The following PRKAG2 variants were observed in gnomAD, a reference collection of about 807,000 sequenced individuals.
PRKAG2 encodes the protein 5'-AMP-activated protein kinase subunit gamma-2.
PRKAG2 carries 26 observed loss-of-function variants against 69.6 expected under a neutral mutation model. The ratio of observed to expected loss-of-function variants is 0.37; its 90% CI spans 0.27 to 0.52. The LOEUF (loss-of-function observed/expected upper bound fraction) is 0.52. PRKAG2 is among the 20% of genes least tolerant of loss of function. The pLI, the probability that PRKAG2 is intolerant of heterozygous loss-of-function variation, is 0.90. For missense variants in PRKAG2, 557 were observed against 740.0 expected (o/e 0.75, Z 2.87); for synonymous variants, 293 against 285.0 (o/e 1.03, Z -0.28).
At chr7:151,846,512 G>C (rs545690236) in intron 1 of PRKAG2, among the ~76,000 whole-genome samples, 5 of 152,058 alleles carry the variant, frequency 3.3e-5, no homozygotes, top group Admixed American at 2.6e-4. Context: ...AATTGCACTT[G>C]GATATAAAAA....
At chr7:151,747,575 C>A (rs117533285) in intron 3 of PRKAG2, among the ~76,000 whole-genome samples, 234 of 151,922 alleles carry the variant, frequency 1.5e-3, no homozygotes, top group Non-Finnish European at 2.5e-3. Context: ...ACCAACCAAC[C>A]AAACAAACAA....
intron 3 of PRKAG2, among the ~76,000 whole-genome samples, chr7:151,747,052 C>G (rs893875577): frequency 3.9e-5 from 6 of 152,158 alleles, no homozygotes; most frequent in Non-Finnish European, 8.8e-5. Context: ...AGGTACCATT[C>G]AAGGCAGGAA....
At chr7:151,710,043 G>C (rs1795028801) in intron 3 of PRKAG2, among the ~76,000 whole-genome samples, 3 of 152,192 alleles carry the variant, frequency 2.0e-5, no homozygotes, top group Non-Finnish European at 4.4e-5. Flanking sequence ...GTCTAGAAGG[G>C]TGGCCGGAGC....
chr7:151,662,740 C>A lies in PRKAG2; in HGVS notation c.684+12680G>T, dbSNP rs554920058. On this transcript the variant is annotated intron_variant, in intron 4 of 15. Coordinates refer to ENST00000287878, the MANE Select transcript of PRKAG2 (RefSeq NM_016203.4). Reference sequence around the variant, plus strand: ...ACACAGGGAGAACCTATCTCTTCAACAACAGAAAAAAAATTAGTCGGGCAT... The same window carrying A: ...ACACAGGGAGAACCTATCTCTTCAAAAACAGAAAAAAAATTAGTCGGGCAT... 4.0e-5 allele frequency among the ~76,000 whole-genome samples: 6 copies of A among 151,596 alleles called. No individual in the cohort carries two copies. In the East Asian group the frequency reaches 9.7e-4, roughly 25 times the overall value.
rs1796423367 is a variant in PRKAG2 at position 151,717,925 on chromosome 7, G to A, written c.467-42288C>T. Among the ~76,000 whole-genome samples, 2 of 152,174 alleles carry A rather than the reference G, an allele frequency of 1.3e-5. 1 individual carries two copies. The highest frequency in any genetic ancestry group is 4.2e-4 in the South Asian group (2 of 4,798). ...CAAATTCACTATCCCTGCATGGGTAGGTGCTTGTCATTCTTTCTGCCCACG... is the reference window on the plus strand; with the variant it reads ...CAAATTCACTATCCCTGCATGGGTAAGTGCTTGTCATTCTTTCTGCCCACG... On this transcript the variant is annotated intron_variant, in intron 3 of 15. Transcript: ENST00000287878.
At chr7:151,687,900 T>C (rs1033297911) in intron 3 of PRKAG2, among the ~76,000 whole-genome samples, 1 of 152,214 alleles carries the variant, frequency 6.6e-6, no homozygotes. Flanking sequence ...GGGCTGCCTC[T>C]CCGTGTCCAC....
At chr7:151,846,396 A>G (rs2079433203) in intron 1 of PRKAG2, among the ~76,000 whole-genome samples, 1 of 152,232 alleles carries the variant, frequency 6.6e-6, no homozygotes, top group Admixed American at 6.5e-5. Flanking sequence ...TGAAACCGGT[A>G]GGCAGAGGTT....
chr7:151,755,024 G>A (rs1443578984), intron 3 of PRKAG2, among the ~76,000 whole-genome samples: 1 of 152,130 alleles, frequency 6.6e-6, no homozygotes, highest in Non-Finnish European at 1.5e-5. Flanking sequence ...GCCTGACAAA[G>A]GGGCGATGGA....
chr7:151,718,165 T>G (rs1196320680), intron 3 of PRKAG2, among the ~76,000 whole-genome samples: 1 of 152,118 alleles, frequency 6.6e-6, no homozygotes, highest in Admixed American at 6.5e-5. Flanking sequence ...AAGTTGATTT[T>G]CTTACGGTTC....
At chr7:151,874,980 A>G (rs2080351987) in intron 1 of PRKAG2, among the ~76,000 whole-genome samples, 1 of 152,248 alleles carries the variant, frequency 6.6e-6, no homozygotes, top group Non-Finnish European at 1.5e-5. Flanking sequence ...TATTTCCTGC[A>G]TTTGACAAAT....
intron 3 of PRKAG2, among the ~76,000 whole-genome samples, chr7:151,759,197 C>T (rs1457056829): frequency 4.6e-5 from 7 of 152,314 alleles, no homozygotes; most frequent in South Asian, 2.1e-4. Context: ...CTCCTGCCTC[C>T]GGACATTTGC....
intron 4 of PRKAG2, among the ~76,000 whole-genome samples, chr7:151,664,448 C>T (rs572695786): frequency 2.0e-5 from 3 of 152,136 alleles, no homozygotes; most frequent in Admixed American, 6.5e-5. Context: ...TGCCTGGGTC[C>T]CCCTCCTCCT....
intron 3 of PRKAG2, among the ~76,000 whole-genome samples, chr7:151,701,408 T>A (rs1837663848): frequency 6.6e-6 from 1 of 152,182 alleles, no homozygotes; most frequent in African/African-American, 2.4e-5. Context: ...TCATTGCAGA[T>A]ATAATCAAGT....
rs1253578473 is a variant in PRKAG2, at chr7:151,588,118, C to A, written c.864+7227G>T. Reference sequence around the variant, plus strand: ...ATTCCTAATGCTTCCCCCCACCAATCCTAGGGTGTGAGGATTCCATTATGA... The same window carrying A: ...ATTCCTAATGCTTCCCCCCACCAATACTAGGGTGTGAGGATTCCATTATGA... On this transcript the variant is annotated intron_variant, in intron 6 of 15. Transcript: ENST00000287878. 4.6e-5 allele frequency among the ~76,000 whole-genome samples: 7 copies of A among 152,152 alleles called. 1 individual carries two copies. The highest frequency in any genetic ancestry group is 1.3e-4 in the Admixed American group (2 of 15,286).
chr7:151,623,558 AG>A (rs1322468851), intron 5 of PRKAG2, among the ~76,000 whole-genome samples: 3 of 152,036 alleles, frequency 2.0e-5, no homozygotes, highest in Non-Finnish European at 4.4e-5. Flanking sequence ...TCCTAACAGT[AG>A]TGGTCTGTGG....
At chr7:151,617,679 T>C (rs1335572827) in intron 5 of PRKAG2, among the ~76,000 whole-genome samples, 2 of 152,144 alleles carry the variant, frequency 1.3e-5, no homozygotes, top group South Asian at 2.1e-4. Flanking sequence ...TCACAGGTCA[T>C]AGTAACATAT....
At chr7:151,641,421 G>A (rs1158594529) in intron 4 of PRKAG2, among the ~76,000 whole-genome samples, 2 of 151,182 alleles carry the variant, frequency 1.3e-5, no homozygotes, top group Admixed American at 6.6e-5. Context: ...CAAATTTTTT[G>A]TATTTTAGTA....
At position 151,717,856 on chromosome 7, in the gene PRKAG2, C is replaced by T. The variant is rs546361500; in HGVS notation, c.467-42219G>A. On this transcript the variant is annotated intron_variant, in intron 3 of 15. Transcript: ENST00000287878. ...TGGGGACCCACCAGGAAAGCATCTCCTCATGAGAAAGGAGCTGGCCTTGAC... is the reference window on the plus strand; with the variant it reads ...TGGGGACCCACCAGGAAAGCATCTCTTCATGAGAAAGGAGCTGGCCTTGAC... Among the ~76,000 whole-genome samples the T allele has an allele frequency of 3.3e-5, 5 of 152,338 alleles. No homozygotes were observed. The East Asian group carries it at 7.7e-4, about 23-fold the overall frequency.
rs146450206 is a variant in PRKAG2 at position 151,626,638 on chromosome 7, TAG to T, written c.754+5429_754+5430del. ...ACCAGCAGAGGTCAGTGCCCCGCAG[TAG>T]AGTCAAGAAACCTGCAAGTTGACGC... On this transcript the variant is annotated intron_variant, in intron 5 of 15. Transcript: ENST00000287878. Among the ~76,000 whole-genome samples the T allele has an allele frequency of 6.9e-3, 1,057 of 152,202 alleles. 10 individuals are homozygous for T. Among genetic ancestry groups the T allele is most frequent in the African/African-American group, 0.023 (971 of 41,474 alleles).
Sources: gnomAD v4.1 joint callset for allele counts (sites outside exome capture counted in the v4.1 genomes callset) on GRCh38, gnomAD v4.1.1 for gene constraint, MANE v1.5 for transcripts, NCBI Gene and HGNC (gene_info 2026-07-23, HGNC 2026-07-21) for gene names.